The following FBXW8 variants were observed in gnomAD, a reference collection of about 807,000 sequenced individuals.
FBXW8 encodes the protein F-box/WD repeat-containing protein 8.
A neutral mutation model predicts 65.3 loss-of-function variants in FBXW8; 57 were observed. The ratio of observed to expected loss-of-function variants is 0.87; its 90% CI spans 0.71 to 1.09. The LOEUF (loss-of-function observed/expected upper bound fraction) is 1.09. FBXW8 is among the 50% of genes least tolerant of loss of function. The pLI is 0.00. For missense variants in FBXW8, 777 were observed against 814.8 expected (o/e 0.95, Z 0.57); for synonymous variants, 308 against 330.2 (o/e 0.93, Z 0.73).
At chr12:117,001,516 C>T (rs1056621799) in intron 7 of FBXW8, among the ~76,000 whole-genome samples, 9 of 152,320 alleles carry the variant, frequency 5.9e-5, no homozygotes, top group Admixed American at 4.6e-4. Flanking sequence ...TTATGAGCAT[C>T]TCATGGTAAC....
chr12:117,028,383 T>A lies in FBXW8; in HGVS notation c.*211T>A. 1 of 618,058 alleles carries A rather than the reference T, an allele frequency of 1.6e-6. No individual in the cohort carries two copies. The highest frequency in any genetic ancestry group is 2.8e-6 in the Non-Finnish European group (1 of 360,212). 38.3% of individuals were successfully genotyped at this position (618,058 alleles called of 1,614,324 possible). A position where few individuals can be genotyped will look rare whatever the true frequency, so the allele number is the denominator to read the frequency against. ...GTGCCAGGGCTCGAGTCCCACGTGCTGCCAACTCAAACATAGCCTCCTTCC... is the reference window on the plus strand; with the variant it reads ...GTGCCAGGGCTCGAGTCCCACGTGCAGCCAACTCAAACATAGCCTCCTTCC... On this transcript the variant is annotated 3_prime_UTR_variant, in exon 11 of 11. Coordinates refer to ENST00000652555, the MANE Select transcript of FBXW8 (RefSeq NM_153348.3). The surrounding 1 kb of genome is among the most constrained non-coding windows in gnomAD (Gnocchi z 4.1).
intron 5 of FBXW8, among the ~76,000 whole-genome samples, chr12:116,979,805 T>G (rs1377320770): frequency 6.6e-6 from 1 of 151,530 alleles, no homozygotes; most frequent in Non-Finnish European, 1.5e-5. Flanking sequence ...AACACTTGCT[T>G]CTTATGCCAC....
chr12:116,954,033 G>C (rs1466550656), intron 4 of FBXW8, among the ~76,000 whole-genome samples: 38 of 147,182 alleles, frequency 2.6e-4, no homozygotes, highest in Admixed American at 2.8e-4. Context: ...AGAATTATTT[G>C]AACCTGGGAG....
chr12:116,957,805 T>C (rs1883745430), intron 4 of FBXW8, among the ~76,000 whole-genome samples: 1 of 152,216 alleles, frequency 6.6e-6, no homozygotes, highest in South Asian at 2.1e-4. Context: ...AAAAATACTT[T>C]TAAATTTATT....
At chr12:116,942,509 G>T (rs1267688183) in intron 2 of FBXW8, among the ~76,000 whole-genome samples, 7 of 151,356 alleles carry the variant, frequency 4.6e-5, no homozygotes, top group Admixed American at 3.3e-4. Context: ...CGAGTAGCTG[G>T]GATTACAGGT....
rs572123621 is a variant in FBXW8, at chr12:116,964,496, G to A, written c.678-201G>A. Among the ~76,000 whole-genome samples the A allele has an allele frequency of 3.3e-5, 5 of 152,322 alleles. No homozygotes were observed. The East Asian group carries it at 9.6e-4, about 29-fold the overall frequency. ...TGAAATTGTCACCATTGTGCTGTGA[G>A]AATGTGAAGCGTGTTCACAGCCTTC... is the stretch of plus-strand genomic sequence containing the variant. On this transcript the variant is annotated intron_variant, in intron 4 of 10. Coordinates refer to ENST00000652555, the MANE Select transcript of FBXW8 (RefSeq NM_153348.3).
At chr12:116,939,657 A>G (rs1027815512) in intron 2 of FBXW8, among the ~76,000 whole-genome samples, 1 of 152,242 alleles carries the variant, frequency 6.6e-6, no homozygotes, top group Admixed American at 6.5e-5. Context: ...AAAAAGGCAT[A>G]TGTATGCCCA....
chr12:116,988,698 G>A lies in FBXW8; in HGVS notation c.1068G>A (p.Arg356=), dbSNP rs1007869326. The A allele has an allele frequency of 3.7e-6, 6 of 1,613,966 alleles. No homozygotes were observed. The highest frequency in any genetic ancestry group is 5.1e-6 in the Non-Finnish European group (6 of 1,180,036). Residue 356 remains arginine, a synonymous_variant, in exon 7 of 11, where the codon AGG becomes AGA. Transcript: ENST00000652555. ...TTGAAATAGTTCCAGAAACCAGAAG[G>A]TACCCTGTGGCAGTAGCCGCTGCTG... is the stretch of plus-strand genomic sequence containing the variant. ...QYLEIVPETR[R]YPVAVAAAGD...
intron 4 of FBXW8, among the ~76,000 whole-genome samples, chr12:116,955,909 C>CT (rs1241521589): frequency 6.6e-6 from 1 of 152,188 alleles, no homozygotes; most frequent in African/African-American, 2.4e-5. Flanking sequence ...GAACCAGTAG[C>CT]TCCTTGGAGG....
chr12:117,028,265 T>C lies in FBXW8; in HGVS notation c.*93T>C. 6.7e-7 allele frequency: 1 copy of C among 1,492,196 alleles called. No individual in the cohort carries two copies. The highest frequency in any genetic ancestry group is 1.4e-5 in the African/African-American group (1 of 72,312). 92.4% of individuals were successfully genotyped at this position (1,492,196 alleles called of 1,614,324 possible). On this transcript the variant is annotated 3_prime_UTR_variant, in exon 11 of 11. Transcript: ENST00000652555. The surrounding 1 kb of genome is among the most constrained non-coding windows in gnomAD (Gnocchi z 4.1). ...GGCACCTCTTCACAGGTGGTAAACA[T>C]TTAGGGGAAGAAAGCAGCCCAGGGT...
At chr12:117,011,269 G>T (rs1347706584) in intron 8 of FBXW8, among the ~76,000 whole-genome samples, 3 of 151,920 alleles carry the variant, frequency 2.0e-5, no homozygotes, top group African/African-American at 4.8e-5. Context: ...GCTCGGAGGC[G>T]GGTGTCAGAT....
At chr12:116,989,998 CAT>C (rs1953196511) in intron 7 of FBXW8, among the ~76,000 whole-genome samples, 1 of 152,226 alleles carries the variant, frequency 6.6e-6, no homozygotes, top group Admixed American at 6.5e-5. Context: ...TCCTCCCACC[CAT>C]AGTTGGATTC....
In FBXW8 at chr12:116,911,054, T is replaced by C; in HGVS notation, c.17T>C (p.Leu6Pro). ...GCGGCGAATATGGACGACTACAGCC[T>C]GGATGAGTTCCGTCGGCGCTGGCAG... is the stretch of plus-strand genomic sequence containing the variant. MDDYS[L>P]DEFRRRWQEE... is the part of the protein sequence containing the mutation. Residue 6 changes from leucine (L) to proline (P), a missense_variant, in exon 1 of 11, where the codon CTG (leucine) becomes CCG (proline). Leu to Pro is a moderately conservative substitution (Grantham distance 98). Transcript: ENST00000652555. The C allele has an allele frequency of 6.9e-7, 1 of 1,452,400 alleles. No individual in the cohort carries two copies. Among genetic ancestry groups the C allele is most frequent in the Non-Finnish European group, 9.0e-7 (1 of 1,110,376 alleles). The allele number at this position is 1,452,400 out of a possible 1,614,324, so 90.0% of individuals were successfully genotyped here.
chr12:116,962,404 G>A (rs1242136419), intron 4 of FBXW8, among the ~76,000 whole-genome samples: 1 of 152,140 alleles, frequency 6.6e-6, no homozygotes, highest in East Asian at 1.9e-4. Flanking sequence ...CGAACTCTTT[G>A]TGTTCAGGGA....
At chr12:116,969,342 T>G (rs1383981048) in intron 5 of FBXW8, among the ~76,000 whole-genome samples, 1 of 152,210 alleles carries the variant, frequency 6.6e-6, no homozygotes, top group Non-Finnish European at 1.5e-5. Flanking sequence ...TGTTACTGTT[T>G]CTGTGATAAA....
At chr12:116,960,363 G>A (rs1289041098) in intron 4 of FBXW8, among the ~76,000 whole-genome samples, 2 of 152,218 alleles carry the variant, frequency 1.3e-5, no homozygotes, top group Non-Finnish European at 2.9e-5. Flanking sequence ...AGTACCTGCT[G>A]CAGTAGCATA....
At chr12:117,011,014 C>A (rs1592955923) in intron 8 of FBXW8, among the ~76,000 whole-genome samples, 1 of 152,210 alleles carries the variant, frequency 6.6e-6, no homozygotes, top group East Asian at 1.9e-4. Context: ...CCTGTGCCAG[C>A]CCCGGGCGCC....
At chr12:116,962,941 C>T (rs541640625) in intron 4 of FBXW8, among the ~76,000 whole-genome samples, 11 of 152,234 alleles carry the variant, frequency 7.2e-5, no homozygotes, top group South Asian at 2.1e-4. Flanking sequence ...GTGAGCTGAC[C>T]GCTGCTTGGA....
chr12:116,984,144 T>TAAAAAG (rs1885507453), intron 5 of FBXW8, among the ~76,000 whole-genome samples: 1 of 152,206 alleles, frequency 6.6e-6, no homozygotes, highest in Non-Finnish European at 1.5e-5. Flanking sequence ...TTGGGAATGA[T>TAAAAAG]AAAAAGAAAT....
Sources: allele counts gnomAD v4.1 joint callset (sites outside exome capture counted in the v4.1 genomes callset), GRCh38; gene constraint gnomAD v4.1.1; non-coding constraint Gnocchi (gnomAD v3.1); transcripts MANE v1.5; gene names NCBI Gene and HGNC (gene_info 2026-07-23, HGNC 2026-07-21).